Variants in LARGE1 observed in about 807,000 individuals in gnomAD.
LARGE1 encodes the protein LARGE xylosyl- and glucuronyltransferase 1.
In LARGE1, 43 loss-of-function variants were observed where a neutral mutation model predicts 87.6. That is an observed-to-expected ratio of 0.49 (90% CI 0.38 to 0.63). LARGE1 has a LOEUF of 0.63. Ranked by LOEUF, LARGE1 falls within the 30% of genes least tolerant of loss-of-function variation. The pLI, the probability that LARGE1 is intolerant of heterozygous loss-of-function variation, is 0.00. For synonymous variants in LARGE1, 434 were observed against 394.6 expected (o/e 1.10, Z -1.18); for missense variants, 802 against 1,000.2 (o/e 0.80, Z 2.67).
chr22:33,679,466 A>ACG (rs1336077311), intron 2 of LARGE1, among the ~76,000 whole-genome samples: 5 of 148,802 alleles, frequency 3.4e-5, no homozygotes, highest in Admixed American at 6.7e-5. Flanking sequence ...AGACACACAC[A>ACG]CGCACACACA....
At chr22:33,880,524 A>G (rs2064644910) in intron 1 of LARGE1, among the ~76,000 whole-genome samples, 1 of 152,190 alleles carries the variant, frequency 6.6e-6, no homozygotes, top group East Asian at 1.9e-4. Flanking sequence ...AGTCTCTGCC[A>G]TGTGCGGCCT....
At chr22:33,505,831 T>C (rs899567891) in intron 6 of LARGE1, among the ~76,000 whole-genome samples, 1 of 152,190 alleles carries the variant, frequency 6.6e-6, no homozygotes, top group African/African-American at 2.4e-5. Flanking sequence ...CAGTTTCCCT[T>C]CTTTTCTCTC....
chr22:33,723,044 C>G (rs372091595), intron 2 of LARGE1, among the ~76,000 whole-genome samples: 156 of 152,270 alleles, frequency 1.0e-3, no homozygotes, highest in Admixed American at 3.3e-3. Context: ...AGCCTTTGAA[C>G]AGGGAGTGGC....
chr22:33,338,573 T>G (rs2146584575), intron 9 of LARGE1, among the ~76,000 whole-genome samples: 1 of 152,368 alleles, frequency 6.6e-6, no homozygotes, highest in Middle Eastern at 3.4e-3. Context: ...AAATAATTGC[T>G]GTGGTTTCTG....
the LARGE1 span, among the ~76,000 whole-genome samples, chr22:33,094,740 C>T: frequency 6.6e-6 from 1 of 152,086 alleles, no homozygotes; most frequent in Admixed American, 6.5e-5. Flanking sequence ...GGTTTTGAGA[C>T]AGAGTTTCAT....
At chr22:33,133,735 G>A in the LARGE1 span, among the ~76,000 whole-genome samples, 1 of 152,094 alleles carries the variant, frequency 6.6e-6, no homozygotes, top group South Asian at 2.1e-4. Context: ...TCTAGTTCTA[G>A]ATCCTTGAGG....
chr22:33,703,665 G>T (rs1010189926), intron 2 of LARGE1, among the ~76,000 whole-genome samples: 2 of 152,172 alleles, frequency 1.3e-5, no homozygotes, highest in Admixed American at 6.6e-5. Flanking sequence ...TGGAGGATGG[G>T]ACCACAAGCC....
At chr22:33,117,847 T>C in the LARGE1 span, among the ~76,000 whole-genome samples, 1 of 152,158 alleles carries the variant, frequency 6.6e-6, no homozygotes, top group Non-Finnish European at 1.5e-5. Flanking sequence ...TGTGAACAAA[T>C]GGCAAAATGC....
At chr22:33,437,229 T>C (rs1367549607) in intron 6 of LARGE1, among the ~76,000 whole-genome samples, 2 of 152,162 alleles carry the variant, frequency 1.3e-5, no homozygotes, top group South Asian at 2.1e-4. Context: ...TGGCACATAA[T>C]AAACTCACAT....
chr22:33,842,049 G>C (rs1464186600), intron 1 of LARGE1, among the ~76,000 whole-genome samples: 1 of 152,186 alleles, frequency 6.6e-6, no homozygotes, highest in Non-Finnish European at 1.5e-5. Flanking sequence ...AAAATAGAAA[G>C]TTTGTAACAT....
intron 1 of LARGE1, among the ~76,000 whole-genome samples, chr22:33,768,926 T>C (rs2084985601): frequency 6.6e-6 from 1 of 152,208 alleles, no homozygotes; most frequent in Non-Finnish European, 1.5e-5. Flanking sequence ...GATTCATATA[T>C]ACACGAATGT....
At chr22:33,803,310 A>G (rs754163766) in intron 1 of LARGE1, among the ~76,000 whole-genome samples, 11 of 152,094 alleles carry the variant, frequency 7.2e-5, no homozygotes, top group East Asian at 1.9e-4. Context: ...ATATTGCCTG[A>G]TATCTGGAAA....
chr22:33,319,118 T>C (rs1936465379), intron 10 of LARGE1, among the ~76,000 whole-genome samples: 1 of 152,200 alleles, frequency 6.6e-6, no homozygotes, highest in Non-Finnish European at 1.5e-5. Context: ...CAGATATCCT[T>C]GTCCTTTGCA....
At chr22:33,586,291 G>C (rs1391095671) in intron 5 of LARGE1, among the ~76,000 whole-genome samples, 2 of 152,170 alleles carry the variant, frequency 1.3e-5, no homozygotes, top group East Asian at 1.9e-4. Flanking sequence ...TAAGTTTGTG[G>C]GTGCTCTTCT....
At chr22:33,847,265 CT>C (rs1243671977) in intron 1 of LARGE1, among the ~76,000 whole-genome samples, 1 of 152,180 alleles carries the variant, frequency 6.6e-6, no homozygotes, top group African/African-American at 2.4e-5. Flanking sequence ...GGTTGTTTCT[CT>C]TTTGTGATGC....
chr22:33,649,184 C>T (rs1431050477), intron 3 of LARGE1, among the ~76,000 whole-genome samples: 1 of 152,174 alleles, frequency 6.6e-6, no homozygotes, highest in Non-Finnish European at 1.5e-5. Context: ...TGCTCCTATC[C>T]TCAGGGGCTC....
At chr22:33,128,149 G>A in the LARGE1 span, among the ~76,000 whole-genome samples, 8 of 152,128 alleles carry the variant, frequency 5.3e-5, no homozygotes, top group Non-Finnish European at 7.4e-5. Flanking sequence ...AAATAGGAAT[G>A]CTTTTACACT....
At chr22:33,175,171 G>A (rs532457128) in intron 11 of LARGE1, among the ~76,000 whole-genome samples, 1 of 152,198 alleles carries the variant, frequency 6.6e-6, no homozygotes, top group South Asian at 2.1e-4. Context: ...TGCAAAGCTG[G>A]TTCAACATCC....
At chr22:33,141,270 A>C in the LARGE1 span, among the ~76,000 whole-genome samples, 9 of 152,188 alleles carry the variant, frequency 5.9e-5, no homozygotes, top group African/African-American at 1.9e-4. Context: ...ACAAAAAAGA[A>C]TAGCTCTAAA....
Sources: allele counts gnomAD v4.1 joint callset (sites outside exome capture counted in the v4.1 genomes callset), GRCh38; gene constraint gnomAD v4.1.1; transcripts MANE v1.5; gene names NCBI Gene and HGNC (gene_info 2026-07-23, HGNC 2026-07-21).